The following THRB variants were observed in gnomAD, a reference collection of about 807,000 sequenced individuals.
THRB encodes nuclear receptor subfamily 1 group A member 2.
Under a neutral mutation model 47.8 loss-of-function variants are expected in THRB, and 12 were observed. That is an observed-to-expected ratio of 0.25 (90% confidence interval 0.16 to 0.41). The LOEUF (loss-of-function observed/expected upper bound fraction) is 0.41. THRB is among the 10% of genes least tolerant of loss of function. The probability of loss-of-function intolerance (pLI) is 1.00; values close to 1 mark genes in which losing one functional copy is unlikely to be tolerated. For missense variants in THRB, 348 were observed against 589.2 expected (o/e 0.59, Z 4.24); for synonymous variants, 218 against 212.2 (o/e 1.03, Z -0.24).
intron 3 of THRB, among the ~76,000 whole-genome samples, chr3:24,267,726 C>T (rs2052810166): frequency 6.6e-6 from 1 of 152,114 alleles, no homozygotes; most frequent in African/African-American, 2.4e-5. Flanking sequence ...CTTGATGTTG[C>T]CTCTTAGTAA....
intron 5 of THRB, among the ~76,000 whole-genome samples, chr3:24,157,922 A>G (rs2038122810): frequency 6.6e-6 from 1 of 152,198 alleles, no homozygotes; most frequent in South Asian, 2.1e-4. Context: ...GTCCCTGTAC[A>G]TTCAGATCCT....
chr3:24,423,029 C>T (rs1048806450), intron 1 of THRB, among the ~76,000 whole-genome samples: 1 of 151,794 alleles, frequency 6.6e-6, no homozygotes, highest in Non-Finnish European at 1.5e-5. Context: ...CCTAAAACCA[C>T]CAAGCTGTGA....
intron 1 of THRB, among the ~76,000 whole-genome samples, chr3:24,343,479 C>A (rs1389313095): frequency 6.6e-6 from 1 of 152,136 alleles, no homozygotes; most frequent in Non-Finnish European, 1.5e-5. Context: ...CGCAAGAGTA[C>A]TGAAAGGCTT....
intron 3 of THRB, among the ~76,000 whole-genome samples, chr3:24,275,452 C>T (rs1324146987): frequency 6.6e-6 from 1 of 152,066 alleles, no homozygotes; most frequent in Non-Finnish European, 1.5e-5. Context: ...CAGTTAGGCA[C>T]CTTTGTGGCT....
intron 2 of THRB, among the ~76,000 whole-genome samples, chr3:24,326,782 T>TTTTTTA (rs2061624939): frequency 7.0e-6 from 1 of 142,806 alleles, no homozygotes; most frequent in African/African-American, 2.6e-5. Flanking sequence ...TTTTTTTTTT[T>TTTTTTA]GAGATGGAGT....
chr3:24,325,731 T>C (rs2058762554), intron 2 of THRB, among the ~76,000 whole-genome samples: 1 of 152,148 alleles, frequency 6.6e-6, no homozygotes, highest in East Asian at 1.9e-4. Flanking sequence ...TGATGATCAG[T>C]CTAAATATAA....
intron 1 of THRB, among the ~76,000 whole-genome samples, chr3:24,428,746 AC>A (rs1178545275): frequency 7.9e-5 from 12 of 152,038 alleles, no homozygotes; most frequent in Non-Finnish European, 1.8e-4. Context: ...TTAGCATTAG[AC>A]AAAGAGGAAG....
chr3:24,162,107 C>T (rs376468338), intron 5 of THRB, among the ~76,000 whole-genome samples: 13 of 151,542 alleles, frequency 8.6e-5, no homozygotes, highest in African/African-American at 2.7e-4. Flanking sequence ...GCAGGCTGTT[C>T]GGGAACTTCG....
chr3:24,414,783 T>C (rs1010276786), intron 1 of THRB, among the ~76,000 whole-genome samples: 3 of 151,846 alleles, frequency 2.0e-5, no homozygotes, highest in African/African-American at 7.2e-5. Context: ...AATATTTGCA[T>C]GAATACTGTA....
At chr3:24,279,953 C>T (rs1244552047) in intron 3 of THRB, among the ~76,000 whole-genome samples, 1 of 152,184 alleles carries the variant, frequency 6.6e-6, no homozygotes, top group African/African-American at 2.4e-5. Context: ...TTATCTTACA[C>T]ATTTAAAAGA....
intron 1 of THRB, among the ~76,000 whole-genome samples, chr3:24,387,271 C>A (rs2066196703): frequency 1.3e-5 from 2 of 152,088 alleles, no homozygotes. Context: ...TCTTCCAAAT[C>A]TACAATCATT....
chr3:24,392,490 G>C (rs1329240434), intron 1 of THRB, among the ~76,000 whole-genome samples: 2 of 152,006 alleles, frequency 1.3e-5, no homozygotes, highest in African/African-American at 4.8e-5. Context: ...CTATATAACT[G>C]TATTTTTGCA....
chr3:24,298,465 A>C (rs567159530), intron 2 of THRB, among the ~76,000 whole-genome samples: 1 of 152,244 alleles, frequency 6.6e-6, no homozygotes, highest in South Asian at 2.1e-4. Flanking sequence ...TAAGAGGCCA[A>C]TAGTATTTTG....
chr3:24,128,620 G>T (rs1452613830), intron 9 of THRB, among the ~76,000 whole-genome samples: 1 of 152,192 alleles, frequency 6.6e-6, no homozygotes, highest in East Asian at 1.9e-4. Context: ...TAGTAAATGG[G>T]TGTGTTTGAT....
chr3:24,189,126 T>C (rs1474528788), intron 5 of THRB, among the ~76,000 whole-genome samples: 1 of 152,016 alleles, frequency 6.6e-6, no homozygotes. Context: ...ATGTTCAAAG[T>C]AGAGCAGCTG....
At chr3:24,160,753 T>C (rs1395426231) in intron 5 of THRB, among the ~76,000 whole-genome samples, 1 of 152,188 alleles carries the variant, frequency 6.6e-6, no homozygotes, top group Non-Finnish European at 1.5e-5. Flanking sequence ...TCAGGCTGAA[T>C]GCACTTGAGT....
chr3:24,181,893 A>T (rs2041941664), intron 5 of THRB, among the ~76,000 whole-genome samples: 1 of 152,136 alleles, frequency 6.6e-6, no homozygotes. Flanking sequence ...TCAGCCAGTA[A>T]GTTTGCGTTT....
In THRB at chr3:24,324,434, A is replaced by AT. The variant is rs139586402; in HGVS notation, c.-189+12865dup. Among the ~76,000 whole-genome samples the AT allele has an allele frequency of 3.3e-3, 503 of 152,174 alleles. 27 individuals carry two copies. The East Asian group carries it at 0.07, about 21-fold the overall frequency. ...TACTTCCAAGCACACTGACCAAGGC[A>AT]TTTTTTTCCAAATAAACAGCTCCTT... On this transcript the variant is annotated intron_variant, in intron 2 of 10. Coordinates refer to ENST00000646209, the MANE Select transcript of THRB (RefSeq NM_001354712.2).
At chr3:24,282,929 T>G (rs2054784248) in intron 3 of THRB, among the ~76,000 whole-genome samples, 1 of 151,886 alleles carries the variant, frequency 6.6e-6, no homozygotes. Flanking sequence ...GATCTGAAAT[T>G]GTGGCAATAA....
Sources: gnomAD v4.1 joint callset for allele counts (sites outside exome capture counted in the v4.1 genomes callset) on GRCh38, gnomAD v4.1.1 for gene constraint, MANE v1.5 for transcripts, NCBI Gene and HGNC (gene_info 2026-07-23, HGNC 2026-07-21) for gene names.